FUBP3: variants seen among roughly 807,000 people sequenced by gnomAD.
FUBP3 encodes the protein far upstream element-binding protein 3.
In FUBP3, 28 loss-of-function variants were observed where a neutral mutation model predicts 85.6. The observed-to-expected ratio is 0.33, with a 90% confidence interval of 0.24 to 0.45. The LOEUF (loss-of-function observed/expected upper bound fraction) is 0.45. FUBP3 is among the 20% of genes least tolerant of loss of function. The pLI is 1.00. For missense variants in FUBP3, 583 were observed against 755.1 expected (o/e 0.77, Z 2.67); for synonymous variants, 271 against 271.4 (o/e 1.00, Z 0.01).
chr9:130,631,717 C>T (rs1564227059), intron 14 of FUBP3, 87 bp downstream of exon 14: 1 of 1,111,556 alleles, frequency 9.0e-7, no homozygotes, highest in East Asian at 2.5e-5. Context: ...TAGCGAGTGC[C>T]AGCCAAGGCC....
chr9:130,584,486 C>T (rs1015240640), intron 1 of FUBP3, among the ~76,000 whole-genome samples: 2 of 151,716 alleles, frequency 1.3e-5, no homozygotes, highest in East Asian at 1.9e-4. Flanking sequence ...CGAGATCGTG[C>T]CATTGCATTC....
At chr9:130,609,452 G>A (rs1396563929) in intron 2 of FUBP3, among the ~76,000 whole-genome samples, 1 of 145,868 alleles carries the variant, frequency 6.9e-6, no homozygotes, top group South Asian at 2.3e-4. Context: ...TGGGGGGGCC[G>A]GCGAGGGGGG....
intron 1 of FUBP3, among the ~76,000 whole-genome samples, chr9:130,584,818 G>A (rs1468404242): frequency 2.0e-5 from 3 of 152,072 alleles, no homozygotes; most frequent in Non-Finnish European, 4.4e-5. Context: ...GCAGTGAGCC[G>A]GGATGGTGCC....
chr9:130,583,582 G>A (rs1830219870), intron 1 of FUBP3, among the ~76,000 whole-genome samples: 1 of 152,142 alleles, frequency 6.6e-6, no homozygotes, highest in South Asian at 2.1e-4. Flanking sequence ...CATTTCACAA[G>A]GGACTAACTC....
At chr9:130,631,271 A>G (rs1411226006) in intron 13 of FUBP3, 5 of 1,335,284 alleles carry the variant, frequency 3.7e-6, no homozygotes, top group Admixed American at 6.9e-5. Flanking sequence ...GGGCCAGCCT[A>G]AGTTGACGGG....
intron 1 of FUBP3, among the ~76,000 whole-genome samples, chr9:130,591,016 T>C: frequency 4.7e-5 from 1 of 21,152 alleles, no homozygotes; most frequent in Non-Finnish European, 8.5e-5. Context: ...TTTGTTTTTG[T>C]TTTTTTTTTG....
At chr9:130,579,800 C>G in intron 1 of FUBP3, 36 bp downstream of exon 1, 2 of 1,216,334 alleles carry the variant, frequency 1.6e-6, no homozygotes, top group Non-Finnish European at 1.0e-6. Context: ...GCACGAGATC[C>G]CGAGGCGGGG....
At chr9:130,582,844 A>G (rs1588108038) in intron 1 of FUBP3, among the ~76,000 whole-genome samples, 1 of 152,220 alleles carries the variant, frequency 6.6e-6, no homozygotes, top group Non-Finnish European at 1.5e-5. Context: ...GCCACAGTGC[A>G]TTATAGGTTG....
At chr9:130,595,858 A>G (rs1830842720) in intron 2 of FUBP3, among the ~76,000 whole-genome samples, 1 of 152,126 alleles carries the variant, frequency 6.6e-6, no homozygotes. Context: ...CTATTTGAGA[A>G]TTTTGTTTGA....
chr9:130,623,367 G>A (rs1829834921), intron 10 of FUBP3, among the ~76,000 whole-genome samples: 1 of 152,076 alleles, frequency 6.6e-6, no homozygotes, highest in African/African-American at 2.4e-5. Flanking sequence ...GTTCTTTAAT[G>A]ATACATTTTT....
chr9:130,631,778 C>A, intron 14 of FUBP3, 148 bp downstream of exon 14: 1 of 828,668 alleles, frequency 1.2e-6, no homozygotes, highest in South Asian at 1.5e-5. Context: ...CACCAGCGGT[C>A]CCTCCGGCCT....
chr9:130,606,721 G>A (rs1452825717), intron 2 of FUBP3, among the ~76,000 whole-genome samples: 1 of 152,072 alleles, frequency 6.6e-6, no homozygotes, highest in African/African-American at 2.4e-5. Flanking sequence ...TCGGGAAGCT[G>A]AGGTAGGAGA....
At chr9:130,631,023 C>T (rs748545937) in intron 13 of FUBP3, 1 of 682,660 alleles carries the variant, frequency 1.5e-6, no homozygotes. Flanking sequence ...GCCGCAGCAG[C>T]CGAGGCCCCA....
chr9:130,596,300 G>A (rs750732209), intron 2 of FUBP3, among the ~76,000 whole-genome samples: 31 of 152,136 alleles, frequency 2.0e-4, no homozygotes, highest in Non-Finnish European at 1.6e-4. Context: ...GCATGTAGTC[G>A]AGTGAGTCGG....
chr9:130,597,767 A>G (rs1279888450), intron 2 of FUBP3, among the ~76,000 whole-genome samples: 1 of 152,262 alleles, frequency 6.6e-6, no homozygotes, highest in Admixed American at 6.5e-5. Context: ...TTATTTAAAC[A>G]GTGCTCAACA....
chr9:130,612,596 T>G lies in FUBP3; in HGVS notation c.274+91T>G. ...AGCTGCTTTGCCAGGATGTTCTTTTTGTTTTAATCTCTCTTGTGAGTATCA... is the reference window on the plus strand; with the variant it reads ...AGCTGCTTTGCCAGGATGTTCTTTTGGTTTTAATCTCTCTTGTGAGTATCA... On this transcript the variant is annotated intron_variant, in intron 4 of 18. Coordinates refer to ENST00000319725, the MANE Select transcript of FUBP3 (RefSeq NM_003934.2). This position sits in a 1 kb window ranked among gnomAD's most constrained non-coding sequence, Gnocchi z 4.1. 1 of 836,240 alleles carries G rather than the reference T, an allele frequency of 1.2e-6. No homozygotes were observed. The highest frequency in any genetic ancestry group is 2.0e-6 in the Non-Finnish European group (1 of 489,794). The allele number at this position is 836,240 out of a possible 1,614,324, so 51.8% of individuals were successfully genotyped here.
At chr9:130,618,115 A>G (rs1832100265) in intron 8 of FUBP3, among the ~76,000 whole-genome samples, 1 of 152,238 alleles carries the variant, frequency 6.6e-6, no homozygotes, top group Non-Finnish European at 1.5e-5. Context: ...ACTCAGATTA[A>G]TAAAAACTGA....
At position 130,622,731 on chromosome 9, in the gene FUBP3, G is replaced by C; in HGVS notation, c.795G>C (p.Val265=). The C allele has an allele frequency of 6.3e-7, 1 of 1,591,388 alleles. No homozygotes were observed. The highest frequency in any genetic ancestry group is 8.6e-7 in the Non-Finnish European group (1 of 1,162,350). Residue 265 remains valine (V), a synonymous_variant, in exon 10 of 19, where the codon GTG becomes GTC. Coordinates refer to ENST00000319725, the MANE Select transcript of FUBP3 (RefSeq NM_003934.2). ...SIEVSVPRFA[V]GIVIGRNGEM... Reference sequence around the variant, plus strand: ...AGGTATCTGTGCCTAGGTTTGCTGTGGGGATTGTAATAGGAAGAAACGGGG... The same window carrying C: ...AGGTATCTGTGCCTAGGTTTGCTGTCGGGATTGTAATAGGAAGAAACGGGG...
In FUBP3 at chr9:130,606,538, T is replaced by A. The variant is rs535315439; in HGVS notation, c.191-3416T>A. Among the ~76,000 whole-genome samples, 34 of 152,058 alleles carry A rather than the reference T, an allele frequency of 2.2e-4. 1 individual carries two copies. Among genetic ancestry groups the A allele is most frequent in the Admixed American group, 5.2e-4 (8 of 15,266 alleles). ...GGGGGTATAACTATTAAAGCTGATG[T>A]GGCCGGGCGCGGTGGCTCACGCCTG... On this transcript the variant is annotated intron_variant, in intron 2 of 18. Coordinates refer to ENST00000319725, the MANE Select transcript of FUBP3 (RefSeq NM_003934.2).
Sources: allele counts gnomAD v4.1 joint callset (sites outside exome capture counted in the v4.1 genomes callset), GRCh38; gene constraint gnomAD v4.1.1; non-coding constraint Gnocchi (gnomAD v3.1); transcripts MANE v1.5; gene names NCBI Gene and HGNC (gene_info 2026-07-23, HGNC 2026-07-21).